Variants in BIRC6 observed in about 807,000 individuals in gnomAD.
BIRC6 encodes dual E2 ubiquitin-conjugating enzyme/E3 ubiquitin-protein ligase BIRC6.
Under a neutral mutation model 503.3 loss-of-function variants are expected in BIRC6, and 98 were observed. The ratio of observed to expected loss-of-function variants is 0.19; its 90% CI spans 0.17 to 0.23. The LOEUF (loss-of-function observed/expected upper bound fraction) is 0.23, where lower values mean the gene tolerates loss of function less well. Ranked by LOEUF, BIRC6 falls within the 10% of genes least tolerant of loss-of-function variation. The probability of loss-of-function intolerance (pLI) is 1.00; values close to 1 mark genes in which losing one functional copy is unlikely to be tolerated. For synonymous variants in BIRC6, 2,240 were observed against 2,078.7 expected (o/e 1.08, Z -2.11); for missense variants, 5,360 against 5,806.0 (o/e 0.92, Z 2.50).
chr2:32,573,185 G>A (rs62136332), intron 65 of BIRC6, among the ~76,000 whole-genome samples: 3 of 152,048 alleles, frequency 2.0e-5, no homozygotes, highest in African/African-American at 7.2e-5. Flanking sequence ...CCAGCAACAG[G>A]TTTTCAGTAA....
chr2:32,460,998 C>CTCTGCTCTCTTCTCTTCTCT (rs1553443637), intron 23 of BIRC6, among the ~76,000 whole-genome samples: 1 of 88,688 alleles, frequency 1.1e-5, no homozygotes, highest in Admixed American at 1.3e-4. Flanking sequence ...CTCTGCTCTG[C>CTCTGCTCTCTTCTCTTCTCT]TCTCTTCTCT....
chr2:32,509,621 T>TTA, intron 51 of BIRC6, 117 bp from the exon 52 acceptor site: 1 of 1,162,190 alleles, frequency 8.6e-7, no homozygotes, highest in South Asian at 1.4e-5. Context: ...AAAACATGTC[T>TTA]TAGATTGGTT....
Position 32,496,311 on chromosome 2 carries a change from C to T in BIRC6, c.8468+2644C>T, listed in dbSNP as rs536779228. Among the ~76,000 whole-genome samples, 264 of 152,052 alleles carry T rather than the reference C, an allele frequency of 1.7e-3. 1 individual carries two copies. The highest frequency in any genetic ancestry group is 2.7e-3 in the Non-Finnish European group (183 of 67,972). On this transcript the variant is annotated intron_variant, in intron 45 of 73. Coordinates refer to ENST00000421745, the MANE Select transcript of BIRC6 (RefSeq NM_016252.4). ...CGTGATTCAGACTCACTGCAACCTC[C>T]ACCTCCTGGGTTCGTGCAATTCTCA...
chr2:32,499,906 G>T lies in BIRC6; in HGVS notation c.8828G>T (p.Arg2943Ile). The change falls in exon 46 of 74, where the codon AGA (arginine) becomes ATA (isoleucine). Residue 2943 changes from arginine to isoleucine, a missense_variant. Physicochemically the swap from Arg to Ile is moderately conservative, Grantham distance 97 (BLOSUM62 -3). Coordinates refer to ENST00000421745, the MANE Select transcript of BIRC6 (RefSeq NM_016252.4). ...TCAGGCAATAGGGAATACAGTGCAA[G>T]AGTGTCTGTGACCACAAATACAACA... Reference protein sequence around the residue: ...PLSGNREYSARVSVTTNTTDS... With the variant: ...PLSGNREYSAIVSVTTNTTDS... 1.2e-6 allele frequency: 2 copies of T among 1,614,018 alleles called. No homozygotes were observed. Among genetic ancestry groups the T allele is most frequent in the Admixed American group, 1.7e-5 (1 of 60,032 alleles).
intron 45 of BIRC6, among the ~76,000 whole-genome samples, chr2:32,498,571 A>AT (rs1478954229): frequency 3.3e-5 from 5 of 150,442 alleles, no homozygotes; most frequent in Non-Finnish European, 5.9e-5. Flanking sequence ...TTTATTTTTT[A>AT]TTTTTTTGCT....
At chr2:32,446,738 GTTTTTTTTTTTTTTTT>G (rs58232090) in intron 21 of BIRC6, among the ~76,000 whole-genome samples, 46 of 34,862 alleles carry the variant, frequency 1.3e-3, no homozygotes, top group African/African-American at 3.7e-3. Flanking sequence ...CCTCTGCGCT[GTTTTTTTTTTTTTTTT>G]TTTTTTTTTT....
intron 43 of BIRC6, among the ~76,000 whole-genome samples, 196 bp from the exon 44 acceptor site, chr2:32,491,228 AG>A (rs1295156009): frequency 6.6e-6 from 1 of 152,192 alleles, no homozygotes; most frequent in Admixed American, 6.5e-5. Context: ...CAGAATCAGA[AG>A]GGGGCAGAAG....
Position 32,549,447 on chromosome 2 carries a change from C to T in BIRC6, c.13110C>T (p.Ile4370=), listed in dbSNP as rs779470256. The T allele has an allele frequency of 5.5e-6, 8 of 1,467,148 alleles. No homozygotes were observed. The South Asian group carries it at 1.2e-4, about 22-fold the overall frequency. The allele number at this position is 1,467,148 out of a possible 1,614,324, so 90.9% of individuals were successfully genotyped here. Residue 4370 remains isoleucine (I), a synonymous_variant, in exon 65 of 74, where the codon ATC becomes ATT. Coordinates refer to ENST00000421745, the MANE Select transcript of BIRC6 (RefSeq NM_016252.4). ...LLELLSQSCL[I]PAMSSYLRND... is the part of the protein sequence containing the mutation. Reference sequence around the variant, plus strand: ...AGCTTCTCAGTCAGTCCTGCCTCATCCCAGCCATGTCATCTTATCTACGAA... The same window carrying T: ...AGCTTCTCAGTCAGTCCTGCCTCATTCCAGCCATGTCATCTTATCTACGAA...
In BIRC6 at chr2:32,411,354, T is replaced by A. The variant is rs186403258; in HGVS notation, c.1478-3415T>A. ...ACGCCCAGCCTTGAGCACTTTTATATTTATTTCCTTTTCTCTGTTTTTCCA... is the reference window on the plus strand; with the variant it reads ...ACGCCCAGCCTTGAGCACTTTTATAATTATTTCCTTTTCTCTGTTTTTCCA... On this transcript the variant is annotated intron_variant, in intron 9 of 73. Coordinates refer to ENST00000421745, the MANE Select transcript of BIRC6 (RefSeq NM_016252.4). Among the ~76,000 whole-genome samples, 5 of 151,442 alleles carry A rather than the reference T, an allele frequency of 3.3e-5. No individual in the cohort carries two copies. The East Asian group carries it at 9.7e-4, about 29-fold the overall frequency.
At chr2:32,441,199 A>G (rs1013965486) in intron 16 of BIRC6, 130 bp from the exon 17 acceptor site, 5 of 689,930 alleles carry the variant, frequency 7.2e-6, no homozygotes, top group African/African-American at 5.4e-5. Flanking sequence ...GGTACAAGCT[A>G]TCATTTTAAC....
Position 32,599,754 on chromosome 2 carries a change from C to G in BIRC6, c.13846C>G (p.Pro4616Ala). 6.2e-7 allele frequency: 1 copy of G among 1,613,620 alleles called. No homozygotes were observed. Among genetic ancestry groups the G allele is most frequent in the East Asian group, 2.2e-5 (1 of 44,880 alleles). ...LDIMKVLITG[P>A]ADTPYANGCF... is the part of the protein sequence containing the mutation. ...ATATATCCAGGTTCTAATAACTGGT[C>G]CAGCGGACACCCCTTATGCAAATGG... is the stretch of plus-strand genomic sequence containing the variant. Residue 4616 changes from proline to alanine, a missense_variant, in exon 70 of 74, where the codon CCA becomes GCA. Around this residue, in one of 16 missense-constraint regions of BIRC6, gnomAD observed 66 missense variants for 113.2 expected, o/e 0.58. Coordinates refer to ENST00000421745, the MANE Select transcript of BIRC6 (RefSeq NM_016252.4).
intron 72 of BIRC6, among the ~76,000 whole-genome samples, chr2:32,608,510 G>A (rs1346201491): frequency 6.6e-6 from 1 of 152,040 alleles, no homozygotes; most frequent in Non-Finnish European, 1.5e-5. Flanking sequence ...CACCTCCCAA[G>A]TTCAAGCTAT....
chr2:32,410,257 C>T (rs142686451), intron 9 of BIRC6, among the ~76,000 whole-genome samples: 25 of 152,132 alleles, frequency 1.6e-4, no homozygotes, highest in Admixed American at 5.9e-4. Flanking sequence ...CAGTTGATCG[C>T]GCCACTGCAC....
rs1245044466 is a variant in BIRC6, at chr2:32,447,643, C to T, written c.4485-1152C>T. Among the ~76,000 whole-genome samples the T allele has an allele frequency of 6.6e-5, 8 of 121,294 alleles. 1 individual carries two copies. Among genetic ancestry groups the T allele is most frequent in the African/African-American group, 1.3e-4 (4 of 30,194 alleles). The allele number at this position is 121,294 out of a possible 152,430, so 79.6% of individuals were successfully genotyped here. ...CTCCCTCCCGGACGGCGCGGCTGGCCGGGCAGGGGGCTGACCCCCCCTCCC... is the reference window on the plus strand; with the variant it reads ...CTCCCTCCCGGACGGCGCGGCTGGCTGGGCAGGGGGCTGACCCCCCCTCCC... On this transcript the variant is annotated intron_variant, in intron 21 of 73. Coordinates refer to ENST00000421745, the MANE Select transcript of BIRC6 (RefSeq NM_016252.4).
chr2:32,478,095 C>G (rs1055753100), intron 35 of BIRC6, among the ~76,000 whole-genome samples: 5 of 151,934 alleles, frequency 3.3e-5, no homozygotes, highest in Admixed American at 6.6e-5. Flanking sequence ...AATCCCAACA[C>G]TTCGGGAGGC....
At chr2:32,476,154 T>A (rs986752130) in intron 33 of BIRC6, 59 bp from the exon 34 acceptor site, 1 of 1,314,192 alleles carries the variant, frequency 7.6e-7, no homozygotes, top group East Asian at 2.6e-5. Context: ...GTGAGGAGTA[T>A]AATAATTTTT....
intron 43 of BIRC6, 63 bp from the exon 44 acceptor site, chr2:32,491,362 G>T: frequency 6.9e-7 from 1 of 1,439,412 alleles, no homozygotes; most frequent in Non-Finnish European, 9.3e-7. Context: ...GATGCTTTCA[G>T]ATACTGCATT....
At position 32,547,970 on chromosome 2, in the gene BIRC6, A is replaced by G; in HGVS notation, c.12931A>G (p.Thr4311Ala). 6.2e-7 allele frequency: 1 copy of G among 1,612,730 alleles called. No individual in the cohort carries two copies. Among genetic ancestry groups the G allele is most frequent in the Non-Finnish European group, 8.5e-7 (1 of 1,179,450 alleles). ...ASGWDVEQAL[T>A]KQRLEEEHVT... is the part of the protein sequence containing the mutation. ...TGGGTGGGATGTGGAACAAGCCTTA[A>G]CTAAGCAAAGGCTGGAAGAGGAACA... The change falls in exon 64 of 74, where the codon ACT (threonine) becomes GCT (alanine). Residue 4311 changes from threonine (T) to alanine (A), a missense_variant. Around this residue, in one of 16 missense-constraint regions of BIRC6, gnomAD observed 477 missense variants for 574.4 expected, o/e 0.83. Transcript: ENST00000421745.
At chr2:32,491,643 T>A in intron 44 of BIRC6, 85 bp downstream of exon 44, 2 of 1,371,316 alleles carry the variant, frequency 1.5e-6, no homozygotes, top group South Asian at 1.5e-5. Context: ...TTTTTATTGC[T>A]AAAGTATTAA....
Sources: allele counts gnomAD v4.1 joint callset (sites outside exome capture counted in the v4.1 genomes callset), GRCh38; gene constraint gnomAD v4.1.1; regional missense constraint gnomAD v4.1.1; transcripts MANE v1.5; gene names NCBI Gene and HGNC (gene_info 2026-07-23, HGNC 2026-07-21).